Variants in NPC1 observed in about 807,000 individuals in gnomAD.
NPC1 encodes the protein NPC intracellular cholesterol transporter 1.
NPC1 carries 85 observed loss-of-function variants against 140.4 expected under a neutral mutation model. The ratio of observed to expected loss-of-function variants is 0.61; its 90% CI spans 0.51 to 0.72. The LOEUF is 0.72. NPC1 is among the 30% of genes least tolerant of loss of function. NPC1 has a pLI of 0.00. For synonymous variants in NPC1, 656 were observed against 624.8 expected (o/e 1.05, Z -0.74); for missense variants, 1,504 against 1,623.8 (o/e 0.93, Z 1.27).
In NPC1 at chr18:23,564,874, ATTAT is replaced by A. The variant is rs527901377; in HGVS notation, c.464-3351_464-3348del. Among the ~76,000 whole-genome samples the A allele has an allele frequency of 1.7e-3, 255 of 152,236 alleles. 1 individual carries two copies. Among genetic ancestry groups the A allele is most frequent in the Middle Eastern group, 6.8e-3 (2 of 294 alleles). The stretch of plus-strand genomic sequence containing the variant: ...GTGTGAAGTAGGGCCCAATTTCATT[ATTAT>A]TTATTTATTTTTGCATGTGTGTATC... On this transcript the variant is annotated intron_variant, in intron 4 of 24. Coordinates refer to ENST00000269228, the MANE Select transcript of NPC1 (RefSeq NM_000271.5).
rs745432812 is a variant in NPC1, at chr18:23,544,954, G to C, written c.1947+6C>G. 33 of 1,204,540 alleles carry C rather than the reference G, an allele frequency of 2.7e-5. No individual in the cohort carries two copies. The highest frequency in any genetic ancestry group is 1.8e-4 in the Admixed American group (8 of 44,090). The allele number at this position is 1,204,540 out of a possible 1,614,324, so 74.6% of individuals were successfully genotyped here. A position where few individuals can be genotyped will look rare whatever the true frequency, so the allele number is the denominator to read the frequency against. ...CTAGAACATACACCACCCCCCCCCG[G>C]CTTACCAGAAGCCTGCGACAGCTTT... On this transcript the variant is annotated splice_donor_region_variant and intron_variant, in intron 12 of 24. Transcript: ENST00000269228.
chr18:23,556,979 A>G, intron 7 of NPC1, 138 bp downstream of exon 7: 3 of 771,558 alleles, frequency 3.9e-6, no homozygotes, highest in East Asian at 5.3e-5. Context: ...GGCAAGGACC[A>G]TGTCTGCCTT....
At chr18:23,575,952 G>A (rs919693985) in intron 1 of NPC1, among the ~76,000 whole-genome samples, 3 of 151,768 alleles carry the variant, frequency 2.0e-5, no homozygotes, top group Non-Finnish European at 4.4e-5. Flanking sequence ...GGCCGGGCAC[G>A]GTGGCTCACA....
At chr18:23,527,835 C>G (rs141781475), downstream of NPC1, 3,654 of 1,614,066 alleles carry the variant, frequency 2.3e-3, 14 homozygotes, top group Non-Finnish European at 2.2e-3. Context: ...CCGTGATAGC[C>G]ACTGTTTTTG....
Position 23,570,303 on chromosome 18 carries a change from A to C in NPC1, c.288-1305T>G, listed in dbSNP as rs183419984. Among the ~76,000 whole-genome samples, 61 of 152,320 alleles carry C rather than the reference A, an allele frequency of 4.0e-4. 1 individual carries two copies. Among genetic ancestry groups the C allele is most frequent in the East Asian group, 3.9e-4 (2 of 5,184 alleles). ...AAATCAAGCTTTGGTACCTCTGATA[A>C]TATGGAGAAAGGTTGGCTATCTTTT... On this transcript the variant is annotated intron_variant, in intron 3 of 24. Transcript: ENST00000269228.
rs2058754915 is a variant in NPC1 at position 23,544,425 on chromosome 18, G to A, written c.2049C>T (p.Thr683=). 1 of 1,613,984 alleles carries A rather than the reference G, an allele frequency of 6.2e-7. No homozygotes were observed. The highest frequency in any genetic ancestry group is 1.3e-5 in the African/African-American group (1 of 74,876). The change falls in exon 13 of 25, where the codon ACC becomes ACT. Residue 683 remains threonine, a synonymous_variant. Coordinates refer to ENST00000269228, the MANE Select transcript of NPC1 (RefSeq NM_000271.5). ...ACGGGATGACTTCAATCACAATGAG[G>A]GTCAAGGGCAACCCAATGTAGCTGA... is the stretch of plus-strand genomic sequence containing the variant. ...GVFSYIGLPL[T]LIVIEVIPFL... is the part of the protein sequence containing the mutation.
chr18:23,544,474 G>A lies in NPC1; in HGVS notation c.2000C>T (p.Ser667Leu), dbSNP rs2058756032. 5 of 1,614,176 alleles carry A rather than the reference G, an allele frequency of 3.1e-6. No individual in the cohort carries two copies. Among genetic ancestry groups the A allele is most frequent in the Non-Finnish European group, 4.2e-6 (5 of 1,180,034 alleles). ...GIAGILIVLS[S>L]VACSLGVFSY... ...GAAGACACCCAAGGAGCAAGCCACC[G>A]AGCTCAGCACGATCAAGATGCCCGC... Residue 667 changes from serine to leucine, a missense_variant, in exon 13 of 25, where the codon TCG (serine) becomes TTG (leucine). By Grantham distance (145) the Ser-to-Leu change is moderately radical (BLOSUM62 -2). Coordinates refer to ENST00000269228, the MANE Select transcript of NPC1 (RefSeq NM_000271.5).
At chr18:23,517,671 C>G (rs1295128093), downstream of NPC1, among the ~76,000 whole-genome samples, 2 of 152,058 alleles carry the variant, frequency 1.3e-5, no homozygotes, top group African/African-American at 2.4e-5. Context: ...AATGTTCTTT[C>G]ATTTCTTCTT....
intron 4 of NPC1, among the ~76,000 whole-genome samples, chr18:23,563,139 T>C (rs2059068238): frequency 6.6e-6 from 1 of 152,248 alleles, no homozygotes; most frequent in Admixed American, 6.5e-5. Flanking sequence ...TGGTCTTTCA[T>C]GACCGGCTTC....
At chr18:23,532,516 C>A (rs2058546043) in intron 24 of NPC1, among the ~76,000 whole-genome samples, 1 of 152,120 alleles carries the variant, frequency 6.6e-6, no homozygotes. Flanking sequence ...TCACTGCATC[C>A]TAAGCCCACC....
In NPC1 at chr18:23,563,072, T is replaced by G. The variant is rs2145492761; in HGVS notation, c.464-1545A>C. Among the ~76,000 whole-genome samples, 3 of 152,338 alleles carry G rather than the reference T, an allele frequency of 2.0e-5. 1 individual carries two copies. The South Asian group carries it at 6.2e-4, about 32-fold the overall frequency. ...CCTAAGCCCTAAGCAACCACTGAAC[T>G]GTCTCTATTTATCTGACTATTTCAG... is the stretch of plus-strand genomic sequence containing the variant. On this transcript the variant is annotated intron_variant, in intron 4 of 24. Coordinates refer to ENST00000269228, the MANE Select transcript of NPC1 (RefSeq NM_000271.5).
intron 6 of NPC1, 49 bp downstream of exon 6, chr18:23,560,182 G>A (rs2059017330): frequency 1.2e-6 from 2 of 1,611,858 alleles, no homozygotes; most frequent in Admixed American, 1.7e-5. Flanking sequence ...CAAAGTGCCA[G>A]TGGGCAATTT....
At chr18:23,519,451 G>A (rs970885416), downstream of NPC1, among the ~76,000 whole-genome samples, 2 of 152,006 alleles carry the variant, frequency 1.3e-5, no homozygotes, top group Admixed American at 6.6e-5. Context: ...CCAGGAGGTC[G>A]GGGCTTCAGT....
intron 1 of NPC1, among the ~76,000 whole-genome samples, chr18:23,574,584 C>T (rs2059248231): frequency 6.6e-6 from 1 of 152,160 alleles, no homozygotes; most frequent in Non-Finnish European, 1.5e-5. Context: ...CACAACAGTC[C>T]CTGAAGCCCA....
At chr18:23,536,467 C>T (rs999264253) in intron 21 of NPC1, among the ~76,000 whole-genome samples, 2 of 152,204 alleles carry the variant, frequency 1.3e-5, no homozygotes, top group Non-Finnish European at 2.9e-5. Flanking sequence ...TTTTGCGTCT[C>T]TAGCCCTCAG....
At chr18:23,531,361 GCTGT>G (rs1375638057), downstream of NPC1, 6 of 470,622 alleles carry the variant, frequency 1.3e-5, no homozygotes, top group Non-Finnish European at 2.1e-5. Flanking sequence ...AAGGATCAGG[GCTGT>G]CTAATGAAAC....
chr18:23,531,368 A>C (rs538850397), downstream of NPC1: 20 of 522,254 alleles, frequency 3.8e-5, no homozygotes, highest in African/African-American at 3.8e-4. Context: ...AGGGCTGTCT[A>C]ATGAAACTTC....
At chr18:23,559,985 T>C (rs1342307930) in intron 6 of NPC1, among the ~76,000 whole-genome samples, 5 of 151,750 alleles carry the variant, frequency 3.3e-5, no homozygotes, top group Non-Finnish European at 7.4e-5. Context: ...CAGTGGCTAA[T>C]GCACAGTGCT....
rs767708998 is a variant in NPC1 at position 23,541,137 on chromosome 18, G to A, written c.2445C>T (p.Ser815=). The A allele has an allele frequency of 8.7e-6, 14 of 1,614,022 alleles. No individual in the cohort carries two copies. The highest frequency in any genetic ancestry group is 1.2e-5 in the Non-Finnish European group (14 of 1,180,002). Residue 815 remains serine, a synonymous_variant, in exon 16 of 25, where the codon AGC becomes AGT. Transcript: ENST00000269228. ...AGTTTTTGAAGAAGCGAAACAAACA[G>A]CTCTCTGAGGCCTGGACGCTTGTTC... ...EDGTSVQASE[S]CLFRFFKNSY... is the part of the protein sequence containing the mutation.
Sources: allele counts gnomAD v4.1 joint callset (sites outside exome capture counted in the v4.1 genomes callset), GRCh38; gene constraint gnomAD v4.1.1; transcripts MANE v1.5; gene names NCBI Gene and HGNC (gene_info 2026-07-23, HGNC 2026-07-21).